LMNTD1: variants seen among roughly 807,000 people sequenced by gnomAD.
LMNTD1 encodes lamin tail domain containing 1.
A neutral mutation model predicts 50.9 loss-of-function variants in LMNTD1; 35 were observed. The observed-to-expected ratio is 0.69, with a 90% CI of 0.53 to 0.91. LMNTD1 has a LOEUF of 0.91. Ranked by LOEUF, LMNTD1 falls within the 40% of genes least tolerant of loss-of-function variation. LMNTD1 has a pLI of 0.00. For missense variants in LMNTD1, 470 were observed against 475.5 expected (o/e 0.99, Z 0.11); for synonymous variants, 153 against 161.9 (o/e 0.94, Z 0.42).
At chr12:25,503,857 G>T in intron 8 of LMNTD1, 57 bp from the exon 9 acceptor site, 1 of 918,810 alleles carries the variant, frequency 1.1e-6, no homozygotes, top group South Asian at 1.5e-5. Context: ...GGAAGGGCAA[G>T]AGTTCAGTCC....
At chr12:25,596,497 C>G (rs1203273214) in intron 1 of LMNTD1, among the ~76,000 whole-genome samples, 3 of 151,978 alleles carry the variant, frequency 2.0e-5, no homozygotes, top group African/African-American at 7.2e-5. Flanking sequence ...TCAATAGACC[C>G]AGTAAAAGCA....
At chr12:25,574,910 C>A (rs567382792) in intron 1 of LMNTD1, among the ~76,000 whole-genome samples, 1 of 152,122 alleles carries the variant, frequency 6.6e-6, no homozygotes, top group Admixed American at 6.6e-5. Context: ...ATTAACAAAT[C>A]CCATTATACT....
intron 4 of LMNTD1, among the ~76,000 whole-genome samples, chr12:25,534,151 T>C (rs1565984052): frequency 1.3e-5 from 2 of 152,292 alleles, no homozygotes; most frequent in East Asian, 1.9e-4. Context: ...ACTCCTTTTT[T>C]TTTCCTTCTG....
intron 8 of LMNTD1, among the ~76,000 whole-genome samples, chr12:25,517,015 C>G (rs993588573): frequency 7.1e-6 from 1 of 141,522 alleles, no homozygotes; most frequent in African/African-American, 2.6e-5. Context: ...GAGATACCAT[C>G]TCACACCAGT....
rs188683634 is a variant in LMNTD1 at position 25,524,181 on chromosome 12, C to G, written c.798+1918G>C. On this transcript the variant is annotated intron_variant, in intron 6 of 9. Transcript: ENST00000458174. Reference sequence around the variant, plus strand: ...AGTTGATATTTCTGACCTGGGCTGCCCATATTTTATTAAAGCATTGTTTCA... The same window carrying G: ...AGTTGATATTTCTGACCTGGGCTGCGCATATTTTATTAAAGCATTGTTTCA... Among the ~76,000 whole-genome samples the G allele has an allele frequency of 6.5e-3, 997 of 152,246 alleles. 4 individuals are homozygous for G. Among genetic ancestry groups the G allele is most frequent in the Non-Finnish European group, 8.7e-3 (590 of 68,012 alleles).
At position 25,539,187 on chromosome 12, in the gene LMNTD1, T is replaced by C. The variant is rs1411724181; in HGVS notation, c.491+7187A>G. On this transcript the variant is annotated intron_variant, in intron 4 of 9. Transcript: ENST00000458174. The stretch of plus-strand genomic sequence containing the variant: ...CAACGAGACAGAAAGTCAACAAGGA[T>C]ACCCAGGAATTGAACTCAGCTCTGC... Among the ~76,000 whole-genome samples, 280 of 143,132 alleles carry C rather than the reference T, an allele frequency of 2.0e-3. 3 individuals are homozygous for C. The highest frequency in any genetic ancestry group is 6.8e-3 in the African/African-American group (265 of 38,688). 93.9% of individuals were successfully genotyped at this position (143,132 alleles called of 152,430 possible). A position where few individuals can be genotyped will look rare whatever the true frequency, so the allele number is the denominator to read the frequency against.
At chr12:25,631,249 T>C (rs896926691) in intron 1 of LMNTD1, among the ~76,000 whole-genome samples, 9 of 151,916 alleles carry the variant, frequency 5.9e-5, no homozygotes, top group African/African-American at 1.9e-4. Flanking sequence ...ATCTTGGGAG[T>C]TCTAGGGCCC....
chr12:25,561,234 T>A (rs1300235821), intron 1 of LMNTD1, among the ~76,000 whole-genome samples: 1 of 152,242 alleles, frequency 6.6e-6, no homozygotes, highest in Non-Finnish European at 1.5e-5. Context: ...ATTGTGATGT[T>A]AGGGTGTCAA....
chr12:25,504,300 C>A (rs919154783), intron 8 of LMNTD1, among the ~76,000 whole-genome samples: 6 of 152,138 alleles, frequency 3.9e-5, no homozygotes, highest in African/African-American at 1.4e-4. Context: ...GCTTCGCCTG[C>A]TATGTCAGTC....
chr12:25,536,008 A>C (rs927743045), intron 4 of LMNTD1, among the ~76,000 whole-genome samples: 4 of 152,144 alleles, frequency 2.6e-5, no homozygotes, highest in Non-Finnish European at 4.4e-5. Context: ...TGATACAAGG[A>C]TCAATTCATC....
At chr12:25,501,962 G>A (rs538274541) in intron 9 of LMNTD1, among the ~76,000 whole-genome samples, 1 of 152,164 alleles carries the variant, frequency 6.6e-6, no homozygotes, top group African/African-American at 2.4e-5. Context: ...ACCACCAGAG[G>A]GGGGTGGGAG....
At chr12:25,592,288 C>T (rs1565508225) in intron 1 of LMNTD1, among the ~76,000 whole-genome samples, 1 of 152,084 alleles carries the variant, frequency 6.6e-6, no homozygotes, top group Non-Finnish European at 1.5e-5. Flanking sequence ...AACTATTGCT[C>T]CAGAATGACT....
At chr12:25,589,118 T>G (rs1030449829) in intron 1 of LMNTD1, among the ~76,000 whole-genome samples, 1 of 152,142 alleles carries the variant, frequency 6.6e-6, no homozygotes, top group African/African-American at 2.4e-5. Flanking sequence ...CCAAGGTACA[T>G]GTACAATGAC....
intron 1 of LMNTD1, among the ~76,000 whole-genome samples, chr12:25,620,574 C>T (rs1442152185): frequency 6.6e-6 from 1 of 152,092 alleles, no homozygotes; most frequent in Admixed American, 6.5e-5. Context: ...AACTCTGCTG[C>T]TATTATGTGA....
chr12:25,526,020 AAAG>A (rs1168480127), intron 6 of LMNTD1, 76 bp downstream of exon 6: 2 of 1,213,630 alleles, frequency 1.6e-6, no homozygotes, highest in Non-Finnish European at 2.2e-6. Context: ...TATAAAATAA[AAAG>A]AATAAAAAAT....
At chr12:25,483,088 T>TA (rs1474650499) in intron 9 of LMNTD1, among the ~76,000 whole-genome samples, 1 of 151,938 alleles carries the variant, frequency 6.6e-6, no homozygotes, top group Non-Finnish European at 1.5e-5. Context: ...ACACAACCCT[T>TA]AAAAATTAAG....
At chr12:25,630,360 T>G (rs1169312414) in intron 1 of LMNTD1, among the ~76,000 whole-genome samples, 1 of 151,914 alleles carries the variant, frequency 6.6e-6, no homozygotes, top group East Asian at 1.9e-4. Context: ...CAGAGCAGCA[T>G]GTGGAGGTTC....
In LMNTD1 at chr12:25,526,132, A is replaced by G; in HGVS notation, c.765T>C (p.Asp255=). 1 of 1,609,480 alleles carries G rather than the reference A, an allele frequency of 6.2e-7. No individual in the cohort carries two copies. The highest frequency in any genetic ancestry group is 8.5e-7 in the Non-Finnish European group (1 of 1,177,552). ...TCGGTTTGCACAGGATTGTTATACA[A>G]TCAGGACTTGCTCTAAACTTGTCTT... ...KEQDKFRASP[D]CITILCKPNG... The change falls in exon 6 of 10, where the codon GAT becomes GAC. Residue 255 remains aspartate (D), a synonymous_variant. Coordinates refer to ENST00000458174, the MANE Select transcript of LMNTD1 (RefSeq NM_001145728.2).
chr12:25,500,164 T>C (rs535637100), intron 9 of LMNTD1, among the ~76,000 whole-genome samples: 1 of 152,226 alleles, frequency 6.6e-6, no homozygotes, highest in East Asian at 1.9e-4. Flanking sequence ...AGTGCAGAGA[T>C]TGAAGGAATA....
Sources: gnomAD v4.1 joint callset for allele counts (sites outside exome capture counted in the v4.1 genomes callset) on GRCh38, gnomAD v4.1.1 for gene constraint, MANE v1.5 for transcripts, NCBI Gene and HGNC (gene_info 2026-07-23, HGNC 2026-07-21) for gene names.